The following SETD2 variants were observed in gnomAD, a reference collection of about 807,000 sequenced individuals.
The protein encoded by SETD2 is histone-lysine N-methyltransferase SETD2.
In SETD2, 31 loss-of-function variants were observed where a neutral mutation model predicts 242.1. The ratio of observed to expected loss-of-function variants is 0.13; its 90% CI spans 0.10 to 0.17. The LOEUF is 0.17. Among genes scored for constraint, SETD2 ranks in the 10% least tolerant of loss-of-function variants. The pLI, the probability that SETD2 is intolerant of heterozygous loss-of-function variation, is 1.00. For synonymous variants in SETD2, 1,006 were observed against 1,066.5 expected, an observed-to-expected ratio of 0.94 and a Z score of 1.11; for missense variants, 2,481 against 3,046.3, an observed-to-expected ratio of 0.81 and a Z score of 4.37.
intron 12 of SETD2, among the ~76,000 whole-genome samples, chr3:47,073,741 T>C (rs1559691278): frequency 6.6e-6 from 1 of 152,206 alleles, no homozygotes; most frequent in Non-Finnish European, 1.5e-5. Context: ...AACAGAAAGA[T>C]GTTCAATACC....
At chr3:47,072,676 T>C (rs1028311826) in intron 12 of SETD2, among the ~76,000 whole-genome samples, 1 of 151,766 alleles carries the variant, frequency 6.6e-6, no homozygotes, top group Non-Finnish European at 1.5e-5. Flanking sequence ...CCGGGCACGG[T>C]GACTCAAGCC....
At chr3:47,082,924 C>A (rs752013626) in intron 12 of SETD2, among the ~76,000 whole-genome samples, 8 of 152,108 alleles carry the variant, frequency 5.3e-5, no homozygotes, top group Non-Finnish European at 1.0e-4. Flanking sequence ...GCTTCATCTC[C>A]GGCAGAAGAA....
In SETD2 at chr3:47,122,260, G is replaced by A. The variant is rs756110862; in HGVS notation, c.2376C>T (p.Asp792=). The part of the protein sequence containing the change: ...RVSCCKTKDS[D]IYCTLNDSNP... ...TGCTATCGTTCAAAGTACAGTATATGTCTGAATCTTTGGTTTTGCAGCAAG... is the reference window on the plus strand; with the variant it reads ...TGCTATCGTTCAAAGTACAGTATATATCTGAATCTTTGGTTTTGCAGCAAG... Residue 792 remains aspartate, a synonymous_variant, in exon 3 of 21, where the codon GAC becomes GAT. Transcript: ENST00000409792. The A allele has an allele frequency of 2.5e-6, 4 of 1,613,928 alleles. No individual in the cohort carries two copies. In the South Asian group the frequency reaches 3.3e-5, roughly 13 times the overall value.
intron 6 of SETD2, among the ~76,000 whole-genome samples, chr3:47,103,809 C>T (rs1340446074): frequency 6.6e-6 from 1 of 152,176 alleles, no homozygotes; most frequent in African/African-American, 2.4e-5. Flanking sequence ...ACACTGCTTC[C>T]CACTTCAAAG....
Position 47,117,065 on chromosome 3 carries a change from A to G in SETD2, c.4455-311T>C, listed in dbSNP as rs533484711. Reference sequence around the variant, plus strand: ...TATTCTGTAGAGACAGGGTCTCTCTATGTTACTCAAGCTGGTCTTGAACTC... The same window carrying G: ...TATTCTGTAGAGACAGGGTCTCTCTGTGTTACTCAAGCTGGTCTTGAACTC... On this transcript the variant is annotated intron_variant, in intron 3 of 20. Coordinates refer to ENST00000409792, the MANE Select transcript of SETD2 (RefSeq NM_014159.7). 2.0e-5 allele frequency among the ~76,000 whole-genome samples: 3 copies of G among 152,090 alleles called. No homozygotes were observed. The East Asian group carries it at 5.8e-4, about 29-fold the overall frequency.
chr3:47,084,730 T>C (rs1260704440), intron 11 of SETD2, among the ~76,000 whole-genome samples: 1 of 148,608 alleles, frequency 6.7e-6, no homozygotes, highest in African/African-American at 2.5e-5. Context: ...CTGGCTACAG[T>C]TGATTTTGTT....
At chr3:47,030,248 A>G (rs2038703465) in intron 18 of SETD2, among the ~76,000 whole-genome samples, 1 of 152,196 alleles carries the variant, frequency 6.6e-6, no homozygotes, top group Non-Finnish European at 1.5e-5. Context: ...CTATTAAAAA[A>G]TATGCAAATT....
At chr3:47,101,597 AGTGTGTGTGTGTGTGTGTGT>A (rs61571386) in intron 7 of SETD2, 42 bp from the exon 8 acceptor site, 7 of 733,392 alleles carry the variant, frequency 9.5e-6, no homozygotes, top group African/African-American at 1.9e-5. Context: ...GTAACTTATT[AGTGTGTGTGTGTGTGTGTGT>A]GTGTGTGTGT....
chr3:47,092,876 T>C (rs1261924546), intron 9 of SETD2, among the ~76,000 whole-genome samples: 1 of 152,158 alleles, frequency 6.6e-6, no homozygotes, highest in Non-Finnish European at 1.5e-5. Flanking sequence ...TACCTACCCC[T>C]TCCTGGTTAT....
intron 1 of SETD2, among the ~76,000 whole-genome samples, chr3:47,139,542 T>C (rs181646139): frequency 1.3e-5 from 2 of 152,334 alleles, no homozygotes; most frequent in East Asian, 1.9e-4. Context: ...TACATTCTCG[T>C]TACTTTTTGA....
In SETD2 at chr3:47,066,057, C is replaced by T. The variant is rs116756788; in HGVS notation, c.6109+1013G>A. Among the ~76,000 whole-genome samples the T allele has an allele frequency of 6.1e-3, 924 of 152,272 alleles. 13 individuals are homozygous for T. Among genetic ancestry groups the T allele is most frequent in the African/African-American group, 0.021 (887 of 41,540 alleles). ...TTTCTTCTAACTGTGCCACCCAAGA[C>T]AGCAAGACTAATCCCTCTTCTTCCT... is the stretch of plus-strand genomic sequence containing the variant. On this transcript the variant is annotated intron_variant, in intron 13 of 20. Transcript: ENST00000409792.
intron 3 of SETD2, among the ~76,000 whole-genome samples, chr3:47,118,290 T>C (rs2042939744): frequency 6.6e-6 from 1 of 152,224 alleles, no homozygotes; most frequent in South Asian, 2.1e-4. Context: ...ATAGGACGAA[T>C]GGGCATAGAT....
intron 1 of SETD2, among the ~76,000 whole-genome samples, chr3:47,145,167 C>T (rs576554318): frequency 6.6e-6 from 1 of 152,098 alleles, no homozygotes; most frequent in African/African-American, 2.4e-5. Flanking sequence ...GGTTGAGTAA[C>T]GCTTACTGAA....
intron 15 of SETD2, among the ~76,000 whole-genome samples, chr3:47,054,863 GTATGTA>G (rs751632525): frequency 5.9e-5 from 9 of 152,098 alleles, no homozygotes; most frequent in African/African-American, 1.4e-4. Context: ...AAACATTTAT[GTATGTA>G]TATGTATATG....
In SETD2 at chr3:47,059,279, G is replaced by C. The variant is rs189406409; in HGVS notation, c.6294-1789C>G. Among the ~76,000 whole-genome samples, 315 of 150,742 alleles carry C rather than the reference G, an allele frequency of 2.1e-3. 4 individuals are homozygous for C. The highest frequency in any genetic ancestry group is 0.011 in the Middle Eastern group (3 of 282). On this transcript the variant is annotated intron_variant, in intron 14 of 20. Transcript: ENST00000409792. The stretch of plus-strand genomic sequence containing the variant: ...TTACAGGGGTGCATCACCATGCCTG[G>C]CTAATTTTTGTATTCTTAGTAGAGA...
chr3:47,034,155 C>A (rs1297736957), intron 18 of SETD2, among the ~76,000 whole-genome samples: 1 of 152,092 alleles, frequency 6.6e-6, no homozygotes, highest in Non-Finnish European at 1.5e-5. Context: ...TTATTATTTG[C>A]GGATTTATTT....
rs182268641 is a variant in SETD2 at position 47,084,003 on chromosome 3, T to C, written c.5777A>G (p.Gln1926Arg). The change falls in exon 12 of 21, where the codon CAA becomes CGA. Residue 1926 changes from glutamine (Q) to arginine (R), a missense_variant. Physicochemically the swap from Gln to Arg is conservative, Grantham distance 43. This residue lies in a region of SETD2 where 203 missense variants were observed against 222.4 expected (regional missense o/e 0.91). Coordinates refer to ENST00000409792, the MANE Select transcript of SETD2 (RefSeq NM_014159.7). ...PVEEEEELQS[Q>R]QLLPQQLPEC... ...AGGCAGCTGTTGTGGGAGTAGCTGT[T>C]GTGACTGCAATTCTTCCTCTTCCTC... 1.9e-5 allele frequency: 30 copies of C among 1,614,170 alleles called. No homozygotes were observed. The highest frequency in any genetic ancestry group is 5.3e-5 in the African/African-American group (4 of 75,058).
At chr3:47,097,100 A>G (rs1168664951) in intron 9 of SETD2, among the ~76,000 whole-genome samples, 1 of 152,184 alleles carries the variant, frequency 6.6e-6, no homozygotes, top group East Asian at 1.9e-4. Flanking sequence ...TGTCATCTAT[A>G]GTTCTTATGA....
chr3:47,162,441 C>A (rs1697517182), intron 1 of SETD2, among the ~76,000 whole-genome samples: 2 of 152,068 alleles, frequency 1.3e-5, no homozygotes, highest in African/African-American at 4.8e-5. Flanking sequence ...TGGCCAAGAA[C>A]CCATGAAAGG....
Sources: gnomAD v4.1 joint callset for allele counts (sites outside exome capture counted in the v4.1 genomes callset) on GRCh38, gnomAD v4.1.1 for gene constraint, gnomAD v4.1.1 regional missense constraint, MANE v1.5 for transcripts, NCBI Gene and HGNC (gene_info 2026-07-23, HGNC 2026-07-21) for gene names.